KCNG3: variants seen among roughly 807,000 people sequenced by gnomAD.
KCNG3 encodes potassium voltage-gated channel modifier subfamily G member 3.
In KCNG3, 15 loss-of-function variants were observed where a neutral mutation model predicts 29.0. The observed-to-expected ratio is 0.52, with a 90% CI of 0.35 to 0.80. The LOEUF is 0.80. KCNG3 is among the 30% of genes least tolerant of loss of function. The pLI, the probability that KCNG3 is intolerant of heterozygous loss-of-function variation, is 0.01. For missense variants in KCNG3, 512 were observed against 605.7 expected (o/e 0.85, Z 1.62); for synonymous variants, 322 against 248.9 (o/e 1.29, Z -2.76).
chr2:42,397,178 A>C, the KCNG3 span, among the ~76,000 whole-genome samples: 3 of 151,600 alleles, frequency 2.0e-5, no homozygotes, highest in Middle Eastern at 3.2e-3. Flanking sequence ...CCGGAGGTGG[A>C]GGTTACAGCG....
the KCNG3 span, among the ~76,000 whole-genome samples, chr2:42,426,816 A>C: frequency 6.6e-6 from 1 of 152,244 alleles, no homozygotes; most frequent in Non-Finnish European, 1.5e-5. Context: ...CAATTTGACC[A>C]TAAACTGTTT....
At chr2:42,439,899 T>C (rs569175813), downstream of KCNG3, among the ~76,000 whole-genome samples, 7 of 152,108 alleles carry the variant, frequency 4.6e-5, no homozygotes, top group Non-Finnish European at 8.8e-5. Context: ...CGCCTCGGCC[T>C]CCCAAAGTGC....
the KCNG3 span, among the ~76,000 whole-genome samples, chr2:42,406,983 A>G: frequency 6.6e-6 from 1 of 152,122 alleles, no homozygotes; most frequent in Non-Finnish European, 1.5e-5. Context: ...CGCTTTTTAA[A>G]AAAAGAATTA....
chr2:42,423,283 C>A, the KCNG3 span, among the ~76,000 whole-genome samples: 2 of 152,220 alleles, frequency 1.3e-5, no homozygotes, highest in Non-Finnish European at 2.9e-5. Flanking sequence ...TAATGGGTCC[C>A]ACTGTCCCCA....
Position 42,493,753 on chromosome 2 carries a change from C to G in KCNG3, c.-252G>C. On this transcript the variant is annotated 5_prime_UTR_variant, in exon 1 of 2. Transcript: ENST00000306078. ...CGGGGAGTCCTCGCCGGCGCCAGCGCTGAGCCCCACCGGCTGGGAACGCGG... is the reference window on the plus strand; with the variant it reads ...CGGGGAGTCCTCGCCGGCGCCAGCGGTGAGCCCCACCGGCTGGGAACGCGG... The G allele has an allele frequency of 3.1e-6, 1 of 319,914 alleles. No homozygotes were observed. Among genetic ancestry groups the G allele is most frequent in the Non-Finnish European group, 5.7e-6 (1 of 176,002 alleles). 19.8% of individuals were successfully genotyped at this position (319,914 alleles called of 1,614,324 possible).
chr2:42,467,877 GGAGGATCACCC>G (rs1467585184), intron 1 of KCNG3, among the ~76,000 whole-genome samples: 5 of 150,606 alleles, frequency 3.3e-5, no homozygotes, highest in African/African-American at 1.2e-4. Context: ...AGCTGAGGTG[GGAGGATCACCC>G]GAGCCTGGAG....
At chr2:42,446,929 C>G (rs946578890) in intron 1 of KCNG3, among the ~76,000 whole-genome samples, 3 of 151,500 alleles carry the variant, frequency 2.0e-5, no homozygotes, top group African/African-American at 7.3e-5. Flanking sequence ...TAGCTTGAGC[C>G]CAGGAATTCA....
At position 42,449,249 on chromosome 2, in the gene KCNG3, T is replaced by C. The variant is rs189174031; in HGVS notation, c.666-4670A>G. Reference sequence around the variant, plus strand: ...TCCAACATAAATTTTATTTTTTTATTTTTCTTAATGATTGGGGGAAAAAAC... The same window carrying C: ...TCCAACATAAATTTTATTTTTTTATCTTTCTTAATGATTGGGGGAAAAAAC... On this transcript the variant is annotated intron_variant, in intron 1 of 1. Coordinates refer to ENST00000306078, the MANE Select transcript of KCNG3 (RefSeq NM_133329.6). Among the ~76,000 whole-genome samples, 19 of 152,296 alleles carry C rather than the reference T, an allele frequency of 1.2e-4. No homozygotes were observed. The East Asian group carries it at 3.5e-3, about 28-fold the overall frequency.
the KCNG3 span, among the ~76,000 whole-genome samples, chr2:42,433,705 T>C: frequency 1.3e-5 from 2 of 152,036 alleles, no homozygotes; most frequent in African/African-American, 4.8e-5. Flanking sequence ...GCCACTGCAC[T>C]CCAGCCTGGG....
the KCNG3 span, among the ~76,000 whole-genome samples, chr2:42,406,603 G>T: frequency 6.7e-6 from 1 of 149,914 alleles, no homozygotes; most frequent in Non-Finnish European, 1.5e-5. Context: ...GAGGTGGGTG[G>T]ATCACAAGGT....
intron 1 of KCNG3, among the ~76,000 whole-genome samples, chr2:42,492,332 T>C (rs1441674087): frequency 6.6e-6 from 1 of 152,124 alleles, no homozygotes; most frequent in Non-Finnish European, 1.5e-5. Flanking sequence ...TGCTTTATAA[T>C]ATAACGATTC....
chr2:42,458,391 C>T (rs1672930963), intron 1 of KCNG3, among the ~76,000 whole-genome samples: 1 of 152,198 alleles, frequency 6.6e-6, no homozygotes, highest in Non-Finnish European at 1.5e-5. Flanking sequence ...CTCTGTGGTT[C>T]CTCTGTCCTC....
the KCNG3 span, among the ~76,000 whole-genome samples, chr2:42,388,808 C>T: frequency 6.6e-6 from 1 of 152,132 alleles, no homozygotes; most frequent in Non-Finnish European, 1.5e-5. Flanking sequence ...TAGTCTCACC[C>T]GCCTAGAGAA....
At position 42,493,578 on chromosome 2, in the gene KCNG3, C is replaced by T. The variant is rs61383670; in HGVS notation, c.-77G>A. ...CCCCAAGCCGCCACGCGGGGCCTGC[C>T]TGCCCGTGGCTGACGGGGGAGCGCG... On this transcript the variant is annotated 5_prime_UTR_variant, in exon 1 of 2. Transcript: ENST00000306078. 3.7e-5 allele frequency: 45 copies of T among 1,217,940 alleles called. No individual in the cohort carries two copies. The highest frequency in any genetic ancestry group is 4.5e-5 in the Non-Finnish European group (44 of 972,790). 75.4% of individuals were successfully genotyped at this position (1,217,940 alleles called of 1,614,324 possible).
At chr2:42,399,046 T>C in the KCNG3 span, among the ~76,000 whole-genome samples, 7 of 146,106 alleles carry the variant, frequency 4.8e-5, no homozygotes, top group Admixed American at 4.1e-4. Flanking sequence ...CTTTTCTTTT[T>C]TTTTCTTTTC....
At position 42,444,592 on chromosome 2, in the gene KCNG3, C is replaced by A; in HGVS notation, c.666-13G>T. The A allele has an allele frequency of 6.3e-7, 1 of 1,584,850 alleles. No individual in the cohort carries two copies. The highest frequency in any genetic ancestry group is 1.4e-5 in the African/African-American group (1 of 73,778). On this transcript the variant is annotated splice_polypyrimidine_tract_variant and intron_variant, in intron 1 of 1. Transcript: ENST00000306078. This position sits in a 1 kb window ranked among gnomAD's most constrained non-coding sequence, Gnocchi z 5.8. The stretch of plus-strand genomic sequence containing the variant: ...AGCTTCAATTATCCTGTCAAGAGAA[C>A]AAAAGAAGAATTGATCATTTTATTT...
chr2:42,493,600 C>T lies in KCNG3; in HGVS notation c.-99G>A, dbSNP rs1462869831. ...TGCCTGCCCGTGGCTGACGGGGGAG[C>T]GCGCCGTCGGGGCCCGCGCTCCCTC... is the stretch of plus-strand genomic sequence containing the variant. On this transcript the variant is annotated 5_prime_UTR_variant, in exon 1 of 2. Coordinates refer to ENST00000306078, the MANE Select transcript of KCNG3 (RefSeq NM_133329.6). 2.7e-6 allele frequency: 3 copies of T among 1,124,828 alleles called. No homozygotes were observed. The highest frequency in any genetic ancestry group is 4.3e-5 in the South Asian group (1 of 23,094). The allele number at this position is 1,124,828 out of a possible 1,614,324, so 69.7% of individuals were successfully genotyped here.
At chr2:42,389,105 A>G in the KCNG3 span, among the ~76,000 whole-genome samples, 1 of 152,030 alleles carries the variant, frequency 6.6e-6, no homozygotes, top group African/African-American at 2.4e-5. Context: ...TTTAGTAGAG[A>G]CAAGGTTTCA....
the KCNG3 span, among the ~76,000 whole-genome samples, chr2:42,398,252 TAAA>T: frequency 7.5e-6 from 1 of 133,474 alleles, no homozygotes; most frequent in Non-Finnish European, 1.7e-5. Flanking sequence ...AATAAATAAA[TAAA>T]TAAATAAATA....
Sources: gnomAD v4.1 joint callset for allele counts (sites outside exome capture counted in the v4.1 genomes callset) on GRCh38, gnomAD v4.1.1 for gene constraint, Gnocchi (gnomAD v3.1) non-coding constraint, MANE v1.5 for transcripts, NCBI Gene and HGNC (gene_info 2026-07-23, HGNC 2026-07-21) for gene names.